Variants in TCERG1L observed in about 807,000 individuals in gnomAD.
TCERG1L encodes the protein transcription elongation regulator 1 like.
TCERG1L carries 37 observed loss-of-function variants against 56.3 expected under a neutral mutation model. That is an observed-to-expected ratio of 0.66 (90% CI 0.51 to 0.87). The LOEUF is 0.87. TCERG1L is among the 40% of genes least tolerant of loss of function. The pLI, the probability that TCERG1L is intolerant of heterozygous loss-of-function variation, is 0.00. For synonymous variants in TCERG1L, 324 were observed against 326.3 expected, an observed-to-expected ratio of 0.99 and a Z score of 0.08; for missense variants, 799 against 774.2, an observed-to-expected ratio of 1.03 and a Z score of -0.38.
At chr10:131,115,515 G>T (rs114708747) in intron 9 of TCERG1L, among the ~76,000 whole-genome samples, 1 of 152,256 alleles carries the variant, frequency 6.6e-6, no homozygotes, top group Admixed American at 6.5e-5. Context: ...GGATCCACAC[G>T]CGCGCGTCCA....
At position 131,151,853 on chromosome 10, in the gene TCERG1L, C is replaced by A. The variant is rs1357829952; in HGVS notation, c.1035-5193G>T. On this transcript the variant is annotated intron_variant, in intron 6 of 11. Transcript: ENST00000368642. ...AAAATCTAGGTGGAGGTTCCCAAAC[C>A]TCAATTCTTGACTTCTGTGTACCCA... Among the ~76,000 whole-genome samples, 4 of 152,316 alleles carry A rather than the reference C, an allele frequency of 2.6e-5. No individual in the cohort carries two copies. In the East Asian group the frequency reaches 7.7e-4, roughly 29 times the overall value.
intron 4 of TCERG1L, among the ~76,000 whole-genome samples, chr10:131,220,737 C>T (rs1481800674): frequency 1.3e-5 from 2 of 152,172 alleles, no homozygotes; most frequent in African/African-American, 4.8e-5. Flanking sequence ...ACTGAATCCC[C>T]CCAGCTCCTC....
In TCERG1L at chr10:131,287,783, A is replaced by C. The variant is rs182751550; in HGVS notation, c.670+20428T>G. On this transcript the variant is annotated intron_variant, in intron 3 of 11. Coordinates refer to ENST00000368642, the MANE Select transcript of TCERG1L (RefSeq NM_174937.4). ...TATTAAAATAATCATAATGCAATTA[A>C]CTCTTGCAATAATCTCACTTCACAG... 1.8e-4 allele frequency among the ~76,000 whole-genome samples: 27 copies of C among 152,248 alleles called. No homozygotes were observed. The East Asian group carries it at 5.0e-3, about 28-fold the overall frequency.
chr10:131,120,030 C>T (rs868777557), intron 8 of TCERG1L, among the ~76,000 whole-genome samples: 10 of 152,202 alleles, frequency 6.6e-5, no homozygotes, highest in South Asian at 2.1e-4. Context: ...GCCCAGGGTC[C>T]GCCCCTCCCT....
chr10:131,156,691 A>G (rs1845926673), intron 6 of TCERG1L, among the ~76,000 whole-genome samples: 1 of 152,164 alleles, frequency 6.6e-6, no homozygotes, highest in Admixed American at 6.5e-5. Context: ...TGTATAGAAA[A>G]GCACTGTGAA....
chr10:131,134,254 A>T (rs754326351), intron 8 of TCERG1L, 125 bp downstream of exon 8: 10 of 859,588 alleles, frequency 1.2e-5, no homozygotes, highest in Non-Finnish European at 1.8e-5. Flanking sequence ...ACCTCTTACC[A>T]TCTGTCTAGC....
At chr10:131,194,002 C>A (rs563367974) in intron 4 of TCERG1L, among the ~76,000 whole-genome samples, 1 of 152,226 alleles carries the variant, frequency 6.6e-6, no homozygotes, top group African/African-American at 2.4e-5. Context: ...CTTTGAGATT[C>A]TGATAATGTT....
chr10:131,194,639 A>G (rs2918142), intron 4 of TCERG1L, among the ~76,000 whole-genome samples: 85,306 of 151,952 alleles, frequency 0.56, 25,037 homozygotes, highest in South Asian at 0.81. Context: ...TTCTCTCATG[A>G]TTTCCTCTGG....
At chr10:131,302,962 CT>C (rs1313012424) in intron 3 of TCERG1L, among the ~76,000 whole-genome samples, 1 of 151,914 alleles carries the variant, frequency 6.6e-6, no homozygotes, top group Non-Finnish European at 1.5e-5. Flanking sequence ...TGAACTCATC[CT>C]TTTTTATGGC....
chr10:131,222,792 C>T (rs1212127895), intron 4 of TCERG1L, among the ~76,000 whole-genome samples: 2 of 152,128 alleles, frequency 1.3e-5, no homozygotes, highest in Non-Finnish European at 2.9e-5. Context: ...TGGATAAGGC[C>T]CCTTCCCAAG....
At chr10:131,100,388 G>T (rs1329534256) in intron 10 of TCERG1L, among the ~76,000 whole-genome samples, 1 of 152,142 alleles carries the variant, frequency 6.6e-6, no homozygotes, top group Non-Finnish European at 1.5e-5. Flanking sequence ...TCTCTGCCTA[G>T]AACCATTTCT....
chr10:131,151,840 G>A (rs923098583), intron 6 of TCERG1L, among the ~76,000 whole-genome samples: 1 of 152,190 alleles, frequency 6.6e-6, no homozygotes, highest in Non-Finnish European at 1.5e-5. Flanking sequence ...AATCTAGGTG[G>A]AGGTTCCCAA....
chr10:131,193,853 T>A (rs919350984), intron 4 of TCERG1L, among the ~76,000 whole-genome samples: 2 of 152,250 alleles, frequency 1.3e-5, no homozygotes, highest in Non-Finnish European at 2.9e-5. Flanking sequence ...AATTTTAGAA[T>A]TTTTTTTCTA....
intron 3 of TCERG1L, among the ~76,000 whole-genome samples, chr10:131,306,447 T>C (rs1846819630): frequency 6.6e-6 from 1 of 152,004 alleles, no homozygotes. Flanking sequence ...AAGAGAAAAA[T>C]CTAAGCTTTG....
At chr10:131,289,144 A>ATTT (rs11422729) in intron 3 of TCERG1L, among the ~76,000 whole-genome samples, 4 of 148,424 alleles carry the variant, frequency 2.7e-5, no homozygotes, top group African/African-American at 7.4e-5. Flanking sequence ...AAAAGTCTTG[A>ATTT]TTTTTTTTTT....
chr10:131,172,313 G>A (rs1383184857), intron 4 of TCERG1L, among the ~76,000 whole-genome samples: 1 of 152,026 alleles, frequency 6.6e-6, no homozygotes, highest in African/African-American at 2.4e-5. Flanking sequence ...GGGGAGGAGG[G>A]GAACCCAGGG....
chr10:131,208,639 G>A (rs1327729396), intron 4 of TCERG1L, among the ~76,000 whole-genome samples: 1 of 152,196 alleles, frequency 6.6e-6, no homozygotes, highest in Admixed American at 6.5e-5. Context: ...TAGGATGTAG[G>A]TTGAGCGCTT....
Position 131,281,933 on chromosome 10 carries a change from G to A in TCERG1L, c.671-21489C>T, listed in dbSNP as rs557805110. On this transcript the variant is annotated intron_variant, in intron 3 of 11. Coordinates refer to ENST00000368642, the MANE Select transcript of TCERG1L (RefSeq NM_174937.4). ...TGGCGGATCACGAGGTCAGGAGATCGAGACCATCCTGGCTAACATGGTGAA... is the reference window on the plus strand; with the variant it reads ...TGGCGGATCACGAGGTCAGGAGATCAAGACCATCCTGGCTAACATGGTGAA... Among the ~76,000 whole-genome samples, 972 of 152,014 alleles carry A rather than the reference G, an allele frequency of 6.4e-3. 8 individuals are homozygous for A. The highest frequency in any genetic ancestry group is 0.011 in the Non-Finnish European group (730 of 67,982).
intron 8 of TCERG1L, among the ~76,000 whole-genome samples, chr10:131,133,581 C>A (rs1845641939): frequency 6.6e-6 from 1 of 152,144 alleles, no homozygotes; most frequent in African/African-American, 2.4e-5. Flanking sequence ...CAGGGTCCTC[C>A]CCACCCTTCT....
Sources: allele counts gnomAD v4.1 joint callset (sites outside exome capture counted in the v4.1 genomes callset), GRCh38; gene constraint gnomAD v4.1.1; transcripts MANE v1.5; gene names NCBI Gene and HGNC (gene_info 2026-07-23, HGNC 2026-07-21).